The following RNF216 variants were observed in gnomAD, a reference collection of about 807,000 sequenced individuals.
RNF216 encodes ring finger protein 216.
Under a neutral mutation model 110.8 loss-of-function variants are expected in RNF216, and 72 were observed. The observed-to-expected ratio is 0.65, with a 90% CI of 0.54 to 0.79. RNF216 has a LOEUF of 0.79. RNF216 is among the 30% of genes least tolerant of loss of function. RNF216 has a pLI of 0.00. For synonymous variants in RNF216, 495 were observed against 407.5 expected, an observed-to-expected ratio of 1.21 and a Z score of -2.59; for missense variants, 1,342 against 1,141.2, an observed-to-expected ratio of 1.18 and a Z score of -2.54.
intron 3 of RNF216, among the ~76,000 whole-genome samples, chr7:5,745,311 CAAAGTA>C (rs1794975242): frequency 6.6e-6 from 1 of 152,184 alleles, no homozygotes; most frequent in East Asian, 1.9e-4. Context: ...TTTTTTAAGT[CAAAGTA>C]AATGACTAGT....
chr7:5,711,328 C>T (rs965795220), intron 13 of RNF216, among the ~76,000 whole-genome samples: 1 of 152,122 alleles, frequency 6.6e-6, no homozygotes, highest in African/African-American at 2.4e-5. Flanking sequence ...GGAGATGCCA[C>T]TAAGATGCCC....
At chr7:5,732,896 G>A (rs1467954960) in intron 5 of RNF216, 5 of 152,240 alleles carry the variant, frequency 3.3e-5, no homozygotes, top group African/African-American at 1.2e-4. Flanking sequence ...TTAGATAGTT[G>A]TTGCTGCCTT....
chr7:5,748,933 C>T (rs1268011299), intron 3 of RNF216, among the ~76,000 whole-genome samples: 1 of 151,724 alleles, frequency 6.6e-6, no homozygotes, highest in African/African-American at 2.4e-5. Flanking sequence ...TCTGTGTCTC[C>T]GTGTCTATAT....
intron 13 of RNF216, among the ~76,000 whole-genome samples, chr7:5,656,240 G>A (rs943787620): frequency 1.3e-5 from 2 of 152,176 alleles, no homozygotes; most frequent in African/African-American, 2.4e-5. Flanking sequence ...CTGCACTCCA[G>A]CCTGGGCGGC....
chr7:5,708,330 T>C (rs552949232), intron 13 of RNF216, among the ~76,000 whole-genome samples: 1 of 152,344 alleles, frequency 6.6e-6, no homozygotes, highest in South Asian at 2.1e-4. Flanking sequence ...AAGTGAGGTA[T>C]TGCAATCTCC....
intron 1 of RNF216, among the ~76,000 whole-genome samples, chr7:5,762,389 G>T (rs1795980534): frequency 6.6e-6 from 1 of 151,694 alleles, no homozygotes; most frequent in African/African-American, 2.4e-5. Context: ...TGGGTGCGGT[G>T]GCTCAAGCCT....
At chr7:5,752,250 T>A (rs1795371684) in intron 3 of RNF216, among the ~76,000 whole-genome samples, 1 of 151,988 alleles carries the variant, frequency 6.6e-6, no homozygotes, top group African/African-American at 2.4e-5. Context: ...ACAGAAAATA[T>A]AAAATAACCA....
At chr7:5,652,584 G>T in intron 13 of RNF216, 74 bp from the exon 14 acceptor site, 1 of 938,244 alleles carries the variant, frequency 1.1e-6, no homozygotes, top group Non-Finnish European at 1.7e-6. Context: ...CAACAAAAGG[G>T]ATATGAAATG....
At chr7:5,742,436 A>C (rs1162507759) in intron 3 of RNF216, among the ~76,000 whole-genome samples, 1 of 152,198 alleles carries the variant, frequency 6.6e-6, no homozygotes, top group African/African-American at 2.4e-5. Flanking sequence ...TCAGAAGAAT[A>C]AGAAATGTTC....
chr7:5,769,395 C>T (rs1021503904), intron 1 of RNF216, among the ~76,000 whole-genome samples: 2 of 151,722 alleles, frequency 1.3e-5, no homozygotes, highest in East Asian at 2.0e-4. Context: ...GGATTACAGG[C>T]GTGAGCCACC....
chr7:5,639,703 A>C (rs1055943790), intron 15 of RNF216, among the ~76,000 whole-genome samples: 4 of 151,012 alleles, frequency 2.6e-5, no homozygotes, highest in Admixed American at 2.0e-4. Context: ...CAGGTGATCC[A>C]CCCGCCTTGG....
At chr7:5,712,962 G>A in intron 11 of RNF216, 99 bp from the exon 12 acceptor site, 2 of 1,078,518 alleles carry the variant, frequency 1.9e-6, no homozygotes, top group Admixed American at 5.6e-5. Context: ...AGACAACATA[G>A]CAAGGATCTC....
intron 13 of RNF216, among the ~76,000 whole-genome samples, chr7:5,655,368 C>CG (rs1432976127): frequency 6.6e-6 from 1 of 152,160 alleles, no homozygotes; most frequent in African/African-American, 2.4e-5. Context: ...GAGGCCGAGG[C>CG]GGAGGGATCA....
At chr7:5,694,634 A>G (rs769313048) in intron 13 of RNF216, among the ~76,000 whole-genome samples, 1 of 152,182 alleles carries the variant, frequency 6.6e-6, no homozygotes, top group Non-Finnish European at 1.5e-5. Context: ...CCAAAGGATG[A>G]GGCCCACTTG....
At chr7:5,779,020 G>A (rs753018253) in intron 1 of RNF216, among the ~76,000 whole-genome samples, 6 of 152,182 alleles carry the variant, frequency 3.9e-5, no homozygotes, top group Admixed American at 6.5e-5. Flanking sequence ...CTGGGATTAC[G>A]GGCGTGAGCC....
chr7:5,681,932 A>C (rs1650097323), intron 13 of RNF216, among the ~76,000 whole-genome samples: 1 of 152,208 alleles, frequency 6.6e-6, no homozygotes, highest in South Asian at 2.1e-4. Flanking sequence ...TGGTTTTCTA[A>C]AGAATGCTAC....
chr7:5,774,863 T>C (rs1388481180), intron 1 of RNF216: 1 of 152,216 alleles, frequency 6.6e-6, no homozygotes, highest in South Asian at 2.1e-4. Flanking sequence ...GTTCAAGTGA[T>C]TCTCCTGTCT....
At chr7:5,780,485 T>A (rs896910456) in intron 1 of RNF216, among the ~76,000 whole-genome samples, 2 of 151,946 alleles carry the variant, frequency 1.3e-5, no homozygotes, top group African/African-American at 4.8e-5. Context: ...TCACCTGAGG[T>A]CAGACGTTAG....
intron 13 of RNF216, among the ~76,000 whole-genome samples, chr7:5,700,815 C>T (rs1584474871): frequency 6.6e-6 from 1 of 152,274 alleles, no homozygotes; most frequent in South Asian, 2.1e-4. Flanking sequence ...TGCCCGCTGC[C>T]ATGGGTGGGC....
Sources: gnomAD v4.1 joint callset for allele counts (sites outside exome capture counted in the v4.1 genomes callset) on GRCh38, gnomAD v4.1.1 for gene constraint, MANE v1.5 for transcripts, NCBI Gene and HGNC (gene_info 2026-07-23, HGNC 2026-07-21) for gene names.